RGS7: variants seen among roughly 807,000 people sequenced by gnomAD.
The protein encoded by RGS7 is regulator of G-protein signaling 7.
Under a neutral mutation model 81.1 loss-of-function variants are expected in RGS7, and 27 were observed. The ratio of observed to expected loss-of-function variants is 0.33; its 90% confidence interval spans 0.25 to 0.46. The LOEUF (loss-of-function observed/expected upper bound fraction) is 0.46, where lower values mean the gene tolerates loss of function less well. Ranked by LOEUF, RGS7 falls within the 20% of genes least tolerant of loss-of-function variation. The probability of loss-of-function intolerance (pLI) is 1.00; values close to 1 mark genes in which losing one functional copy is unlikely to be tolerated. For missense variants in RGS7, 396 were observed against 607.4 expected, an observed-to-expected ratio of 0.65 and a Z score of 3.66; for synonymous variants, 208 against 207.7, an observed-to-expected ratio of 1.00 and a Z score of -0.01.
intron 6 of RGS7, among the ~76,000 whole-genome samples, chr1:240,903,149 T>C (rs911526486): frequency 6.6e-6 from 1 of 152,316 alleles, no homozygotes; most frequent in East Asian, 1.9e-4. Context: ...ACATGGGTTA[T>C]GCCACAAAGA....
At chr1:241,161,843 G>T (rs979780036) in intron 2 of RGS7, among the ~76,000 whole-genome samples, 1 of 151,178 alleles carries the variant, frequency 6.6e-6, no homozygotes, top group Non-Finnish European at 1.5e-5. Flanking sequence ...TCAGCCACCC[G>T]AGTAGCTGGG....
At chr1:241,251,780 G>C (rs2076839645) in intron 2 of RGS7, among the ~76,000 whole-genome samples, 1 of 152,096 alleles carries the variant, frequency 6.6e-6, no homozygotes, top group Non-Finnish European at 1.5e-5. Context: ...AAATTGCTGA[G>C]ATTACAGGTG....
chr1:240,888,581 G>A (rs1667760399), intron 6 of RGS7, among the ~76,000 whole-genome samples: 1 of 152,150 alleles, frequency 6.6e-6, no homozygotes, highest in Non-Finnish European at 1.5e-5. Context: ...AGAATAATGT[G>A]AATAAAGTAA....
At chr1:241,269,738 T>C (rs896174413) in intron 2 of RGS7, among the ~76,000 whole-genome samples, 2 of 152,234 alleles carry the variant, frequency 1.3e-5, no homozygotes, top group Non-Finnish European at 2.9e-5. Flanking sequence ...ACATTTCCTC[T>C]AACTAAATGC....
intron 3 of RGS7, among the ~76,000 whole-genome samples, chr1:241,022,998 A>G (rs1490586636): frequency 3.3e-5 from 5 of 151,708 alleles, no homozygotes; most frequent in African/African-American, 1.2e-4. Flanking sequence ...GATACTGGGT[A>G]AAATCATGTA....
intron 6 of RGS7, among the ~76,000 whole-genome samples, chr1:240,890,599 C>T (rs552515390): frequency 6.6e-6 from 1 of 151,716 alleles, no homozygotes; most frequent in East Asian, 1.9e-4. Context: ...GTAACAGCAA[C>T]AATAATAATA....
intron 4 of RGS7, among the ~76,000 whole-genome samples, chr1:240,958,706 C>T (rs16841152): frequency 0.033 from 4,841 of 147,154 alleles, 256 homozygotes; most frequent in African/African-American, 0.11. Context: ...TGGCACTCTC[C>T]TCCGTACCTC....
At position 240,933,096 on chromosome 1, in the gene RGS7, A is replaced by G. The variant is rs549342609; in HGVS notation, c.334-2328T>C. ...ACGGGGTTTCACCGTGTTAGCCAGG[A>G]TGGTCTCCATCTCCTGACCTCGTGA... is the stretch of plus-strand genomic sequence containing the variant. On this transcript the variant is annotated intron_variant, in intron 5 of 18. Coordinates refer to ENST00000440928, the MANE Select transcript of RGS7 (RefSeq NM_001364886.1). 5.0e-4 allele frequency among the ~76,000 whole-genome samples: 75 copies of G among 149,540 alleles called. 1 individual carries two copies. The highest frequency in any genetic ancestry group is 3.0e-3 in the East Asian group (15 of 5,016).
chr1:241,218,503 C>T (rs553337020), intron 2 of RGS7, among the ~76,000 whole-genome samples: 104 of 152,298 alleles, frequency 6.8e-4, no homozygotes, highest in Non-Finnish European at 1.3e-3. Context: ...CGGGTTCACT[C>T]GGAGAAATGG....
intron 2 of RGS7, among the ~76,000 whole-genome samples, chr1:241,263,137 C>T (rs1374278079): frequency 6.6e-6 from 1 of 151,812 alleles, no homozygotes; most frequent in Non-Finnish European, 1.5e-5. Flanking sequence ...ATTAGCCGGG[C>T]ATGGTGGCAT....
chr1:240,824,435 G>C (rs759767899), intron 10 of RGS7, among the ~76,000 whole-genome samples: 14 of 152,226 alleles, frequency 9.2e-5, no homozygotes, highest in Non-Finnish European at 2.1e-4. Flanking sequence ...CACACAGCCA[G>C]GAGGAGGCGC....
chr1:241,082,685 G>A (rs972344529), intron 3 of RGS7, among the ~76,000 whole-genome samples: 4 of 152,136 alleles, frequency 2.6e-5, no homozygotes, highest in Admixed American at 2.6e-4. Context: ...AACAATAATT[G>A]TTGTGTATTT....
intron 6 of RGS7, among the ~76,000 whole-genome samples, chr1:240,899,285 T>G (rs1195379753): frequency 5.3e-5 from 8 of 152,190 alleles, no homozygotes; most frequent in African/African-American, 1.9e-4. Context: ...CCCATTTACA[T>G]TTAAGGTTAA....
chr1:241,119,246 G>C (rs1273405102), intron 2 of RGS7, among the ~76,000 whole-genome samples: 1 of 152,038 alleles, frequency 6.6e-6, no homozygotes, highest in African/African-American at 2.4e-5. Context: ...TTACAGTTTT[G>C]CAAGTCTCTT....
intron 2 of RGS7, among the ~76,000 whole-genome samples, chr1:241,119,024 C>T (rs1408664779): frequency 6.6e-6 from 1 of 151,968 alleles, no homozygotes; most frequent in East Asian, 1.9e-4. Context: ...ACATGCTCCC[C>T]TGCTCACCCA....
chr1:241,132,188 G>C (rs1187194070), intron 2 of RGS7: 3 of 154,524 alleles, frequency 1.9e-5, no homozygotes, highest in Middle Eastern at 5.5e-4. Flanking sequence ...CATACACAGA[G>C]ATCATTAAAA....
At chr1:241,341,669 A>G (rs2082556116) in intron 2 of RGS7, among the ~76,000 whole-genome samples, 1 of 152,090 alleles carries the variant, frequency 6.6e-6, no homozygotes. Context: ...ACTGTGCATT[A>G]TTGTGTGCCA....
chr1:240,875,555 G>C (rs1000803271), intron 6 of RGS7, among the ~76,000 whole-genome samples: 1 of 152,110 alleles, frequency 6.6e-6, no homozygotes. Context: ...CCCCAGAATT[G>C]GAATTGCTGG....
intron 2 of RGS7, among the ~76,000 whole-genome samples, chr1:241,328,960 A>C (rs1387702147): frequency 1.3e-5 from 2 of 152,202 alleles, no homozygotes; most frequent in Non-Finnish European, 2.9e-5. Context: ...AGAAATCAAC[A>C]ATAAATGTGA....
Sources: allele counts gnomAD v4.1 joint callset (sites outside exome capture counted in the v4.1 genomes callset), GRCh38; gene constraint gnomAD v4.1.1; transcripts MANE v1.5; gene names NCBI Gene and HGNC (gene_info 2026-07-23, HGNC 2026-07-21).